Variants in KIF21A observed in about 807,000 individuals in gnomAD.
KIF21A encodes the protein kinesin-like protein KIF21A.
KIF21A carries 114 observed loss-of-function variants against 202.9 expected under a neutral mutation model. That is an observed-to-expected ratio of 0.56 (90% CI 0.48 to 0.66). The LOEUF is 0.66. KIF21A is among the 30% of genes least tolerant of loss of function. KIF21A has a pLI of 0.00. For missense variants in KIF21A, 1,677 were observed against 1,994.9 expected, an observed-to-expected ratio of 0.84 and a Z score of 3.04; for synonymous variants, 667 against 670.8, an observed-to-expected ratio of 0.99 and a Z score of 0.09.
chr12:39,312,541 A>G (rs1246514160), intron 31 of KIF21A: 1 of 152,004 alleles, frequency 6.6e-6, no homozygotes, highest in Non-Finnish European at 1.5e-5. Flanking sequence ...TTGCAACACA[A>G]AGGATAATTG....
intron 11 of KIF21A, among the ~76,000 whole-genome samples, chr12:39,350,706 T>A (rs1852980743): frequency 6.6e-6 from 1 of 151,990 alleles, no homozygotes; most frequent in Non-Finnish European, 1.5e-5. Context: ...AGAGTGCAAT[T>A]TCAATTGCAA....
At chr12:39,332,545 T>C (rs749839981) in intron 20 of KIF21A, 46 bp downstream of exon 20, 75 of 1,404,096 alleles carry the variant, frequency 5.3e-5, no homozygotes, top group Non-Finnish European at 6.7e-5. Flanking sequence ...AGAGTAAAAT[T>C]AACAGTTAGC....
rs895930786 is a variant in KIF21A, at chr12:39,311,707, A to C, written c.3960-154T>G. 9.6e-6 allele frequency: 7 copies of C among 727,696 alleles called. No homozygotes were observed. In the Admixed American group the frequency reaches 1.1e-4, roughly 11 times the overall value. 45.1% of individuals were successfully genotyped at this position (727,696 alleles called of 1,614,324 possible). On this transcript the variant is annotated intron_variant, in intron 31 of 37. Transcript: ENST00000361418. Reference sequence around the variant, plus strand: ...CTGCTCTCTTTTAAGCAAAAGGACAAAGTGTGAAATAATAATAGTGATGGA... The same window carrying C: ...CTGCTCTCTTTTAAGCAAAAGGACACAGTGTGAAATAATAATAGTGATGGA...
chr12:39,435,056 A>G (rs1938490637), intron 1 of KIF21A, among the ~76,000 whole-genome samples: 1 of 152,220 alleles, frequency 6.6e-6, no homozygotes, highest in Non-Finnish European at 1.5e-5. Context: ...ACATCTTACT[A>G]CACACTAAGA....
intron 12 of KIF21A, among the ~76,000 whole-genome samples, chr12:39,343,908 T>C (rs1277354263): frequency 6.6e-6 from 1 of 152,192 alleles, no homozygotes; most frequent in Non-Finnish European, 1.5e-5. Flanking sequence ...TGAACATGCC[T>C]ATGTGTCTCA....
intron 7 of KIF21A, among the ~76,000 whole-genome samples, chr12:39,360,821 C>T (rs745829757): frequency 5.3e-5 from 8 of 152,186 alleles, no homozygotes; most frequent in Non-Finnish European, 1.2e-4. Context: ...TTAAAAGACA[C>T]TAAATTATGC....
chr12:39,366,588 G>A lies in KIF21A; in HGVS notation c.736-71C>T, dbSNP rs1000358990. On this transcript the variant is annotated intron_variant, in intron 5 of 37. Transcript: ENST00000361418. Reference sequence around the variant, plus strand: ...TAAATATCCTCCTAACCTACCTTGCGCTTATCCCATGTACACATATAGGCA... The same window carrying A: ...TAAATATCCTCCTAACCTACCTTGCACTTATCCCATGTACACATATAGGCA... The A allele has an allele frequency of 1.9e-5, 22 of 1,176,630 alleles. No homozygotes were observed. In the Middle Eastern group the frequency reaches 6.9e-4, roughly 37 times the overall value. The allele number at this position is 1,176,630 out of a possible 1,614,324, so 72.9% of individuals were successfully genotyped here.
chr12:39,347,672 C>G (rs1269778772), intron 11 of KIF21A, among the ~76,000 whole-genome samples: 1 of 151,940 alleles, frequency 6.6e-6, no homozygotes, highest in Admixed American at 6.6e-5. Context: ...AGCAATCTTT[C>G]TGAGAAAAAG....
chr12:39,393,259 C>T (rs1951502569), intron 1 of KIF21A, among the ~76,000 whole-genome samples: 1 of 152,012 alleles, frequency 6.6e-6, no homozygotes, highest in South Asian at 2.1e-4. Context: ...TTGCACTTCC[C>T]ACCATTTCTA....
chr12:39,409,394 A>T (rs1481583304), intron 1 of KIF21A, among the ~76,000 whole-genome samples: 1 of 151,096 alleles, frequency 6.6e-6, no homozygotes, highest in Non-Finnish European at 1.5e-5. Context: ...AAAAACAAAA[A>T]AAAAGAAAAA....
intron 1 of KIF21A, among the ~76,000 whole-genome samples, chr12:39,372,031 TAAA>T (rs57979417): frequency 7.1e-6 from 1 of 140,408 alleles, no homozygotes; most frequent in African/African-American, 2.6e-5. Context: ...TTGTGAAATT[TAAA>T]AAAAAAAAAA....
chr12:39,412,910 G>A (rs1296966311), intron 1 of KIF21A, among the ~76,000 whole-genome samples: 1 of 152,076 alleles, frequency 6.6e-6, no homozygotes, highest in Non-Finnish European at 1.5e-5. Flanking sequence ...ATGTTATACA[G>A]TTTACCAGAG....
intron 33 of KIF21A, 69 bp downstream of exon 33, chr12:39,309,512 TTCTTA>T: frequency 1.8e-6 from 2 of 1,096,204 alleles, no homozygotes; most frequent in Non-Finnish European, 1.3e-6. Flanking sequence ...GTCCTCTCTT[TTCTTA>T]TATTTGTAAA....
chr12:39,307,739 T>A lies in KIF21A; in HGVS notation c.4278-10A>T, dbSNP rs746027600. 13 of 1,613,140 alleles carry A rather than the reference T, an allele frequency of 8.1e-6. No homozygotes were observed. In the Admixed American group the frequency reaches 2.2e-4, roughly 27 times the overall value. On this transcript the variant is annotated splice_polypyrimidine_tract_variant and intron_variant, in intron 33 of 37. Coordinates refer to ENST00000361418, the MANE Select transcript of KIF21A (RefSeq NM_001173464.2). ...AACTTGACCTGAAGACCTTAAGAGA[T>A]ACAAACAAAGCAAAAAAGTCACACT...
At chr12:39,340,115 G>T in intron 16 of KIF21A, 50 bp downstream of exon 16, 2 of 1,430,330 alleles carry the variant, frequency 1.4e-6, no homozygotes, top group South Asian at 1.2e-5. Context: ...TGTCCCAAAT[G>T]ACAAAATCAT....
In KIF21A at chr12:39,358,249, C is replaced by T. The variant is rs1388678542; in HGVS notation, c.1144G>A (p.Ala382Thr). The T allele has an allele frequency of 6.2e-7, 1 of 1,614,034 alleles. No individual in the cohort carries two copies. Among genetic ancestry groups the T allele is most frequent in the Non-Finnish European group, 8.5e-7 (1 of 1,179,966 alleles). The change falls in exon 8 of 38, where the codon GCT becomes ACT. Residue 382 changes from alanine to threonine, a missense_variant. Around this residue, in one of 3 missense-constraint regions of KIF21A, gnomAD observed 966 missense variants for 1,180.9 expected, o/e 0.82. Transcript: ENST00000361418. ...KNKVMVNQDR[A>T]SQQINALRSE... ...CGAAGTGCATTGATTTGCTGACTAG[C>T]TCTGTCCTGATTGACCATCACCTTA...
chr12:39,416,655 ATGTGTATATATATATGTACATATATATG>A (rs1953655424), intron 1 of KIF21A, among the ~76,000 whole-genome samples: 3 of 103,200 alleles, frequency 2.9e-5, no homozygotes, highest in Non-Finnish European at 5.4e-5. Context: ...GTACATATAT[ATGTGTATATATATATGTACATATATATG>A]TGTGTATATA....
chr12:39,322,625 A>T (rs775802890), intron 27 of KIF21A, 43 bp downstream of exon 27: 433 of 1,332,024 alleles, frequency 3.3e-4, no homozygotes, highest in South Asian at 4.7e-4. Context: ...TTTTTTTTTT[A>T]AAGCCAAAAG....
At chr12:39,391,428 C>G (rs1023556101) in intron 1 of KIF21A, among the ~76,000 whole-genome samples, 5 of 151,856 alleles carry the variant, frequency 3.3e-5, no homozygotes, top group Non-Finnish European at 5.9e-5. Flanking sequence ...GTGGTGTATA[C>G]AGAGGAGGTT....
Sources: gnomAD v4.1 joint callset for allele counts (sites outside exome capture counted in the v4.1 genomes callset) on GRCh38, gnomAD v4.1.1 for gene constraint, gnomAD v4.1.1 regional missense constraint, MANE v1.5 for transcripts, NCBI Gene and HGNC (gene_info 2026-07-23, HGNC 2026-07-21) for gene names.